Variants in DAB1 observed in about 807,000 individuals in gnomAD.
DAB1 encodes the protein DAB adaptor protein 1.
DAB1 carries 15 observed loss-of-function variants against 64.6 expected under a neutral mutation model. The observed-to-expected ratio is 0.23, with a 90% CI of 0.16 to 0.36. DAB1 has a LOEUF of 0.36. DAB1 is among the 10% of genes least tolerant of loss of function. DAB1 has a pLI of 1.00. For synonymous variants in DAB1, 235 were observed against 251.9 expected, an observed-to-expected ratio of 0.93 and a Z score of 0.64; for missense variants, 596 against 706.7, an observed-to-expected ratio of 0.84 and a Z score of 1.78.
chr1:57,106,320 C>A (rs2100707762), intron 4 of DAB1, among the ~76,000 whole-genome samples: 1 of 145,568 alleles, frequency 6.9e-6, no homozygotes, highest in Non-Finnish European at 1.5e-5. Flanking sequence ...TTCCTTTAAT[C>A]TCAACAAGAC....
At chr1:58,451,267 G>C (rs906361237) in intron 3 of DAB1, among the ~76,000 whole-genome samples, 1 of 151,960 alleles carries the variant, frequency 6.6e-6, no homozygotes, top group African/African-American at 2.4e-5. Context: ...TTTTTATTTT[G>C]ATTTTTTGTA....
In DAB1 at chr1:57,209,339, T is replaced by C. The variant is rs369516600; in HGVS notation, c.68-63910A>G. Among the ~76,000 whole-genome samples, 46 of 152,334 alleles carry C rather than the reference T, an allele frequency of 3.0e-4. No homozygotes were observed. The East Asian group carries it at 8.3e-3, about 28-fold the overall frequency. On this transcript the variant is annotated intron_variant, in intron 2 of 14. Transcript: ENST00000371236. ...TATGCTTTAAACACACTGATTTTTC[T>C]GCTTAAAAATATGCTCTTCCGCTGC...
At chr1:57,407,310 G>C (rs978060648) in intron 1 of DAB1, among the ~76,000 whole-genome samples, 3 of 152,174 alleles carry the variant, frequency 2.0e-5, no homozygotes, top group African/African-American at 7.2e-5. Context: ...GAGAGAGTTA[G>C]CACAGGATGG....
chr1:57,021,941 T>G (rs1646637186), intron 11 of DAB1, among the ~76,000 whole-genome samples: 2 of 152,142 alleles, frequency 1.3e-5, no homozygotes, highest in Non-Finnish European at 2.9e-5. Flanking sequence ...CACTTACACC[T>G]GCCCTCTGCC....
chr1:57,213,107 C>CA (rs973095669), intron 2 of DAB1, among the ~76,000 whole-genome samples: 13 of 97,312 alleles, frequency 1.3e-4, no homozygotes, highest in African/African-American at 4.7e-4. Context: ...CAGCATTGTC[C>CA]AAAAAAAAGA....
At chr1:57,542,690 G>C (rs1484524008) in intron 7 of DAB1, among the ~76,000 whole-genome samples, 3 of 151,938 alleles carry the variant, frequency 2.0e-5, no homozygotes, top group Non-Finnish European at 2.9e-5. Flanking sequence ...TTTTCATTCT[G>C]AACAGTCATA....
intron 2 of DAB1, among the ~76,000 whole-genome samples, chr1:57,278,624 T>C (rs1302253001): frequency 6.6e-6 from 1 of 152,192 alleles, no homozygotes; most frequent in Non-Finnish European, 1.5e-5. Flanking sequence ...ATCTGAGCTA[T>C]GTCTCAGAGG....
At chr1:57,329,976 T>C (rs1255561911) in intron 1 of DAB1, among the ~76,000 whole-genome samples, 1 of 152,216 alleles carries the variant, frequency 6.6e-6, no homozygotes, top group African/African-American at 2.4e-5. Context: ...CTGGTGCTAA[T>C]TCAAAAGGCA....
intron 7 of DAB1, among the ~76,000 whole-genome samples, chr1:57,535,343 T>A (rs956340282): frequency 5.9e-5 from 9 of 152,162 alleles, no homozygotes; most frequent in African/African-American, 2.2e-4. Context: ...TTTTGTAGAA[T>A]GAATGAATGA....
At chr1:57,962,979 T>C (rs1461751562) in intron 5 of DAB1, among the ~76,000 whole-genome samples, 1 of 152,218 alleles carries the variant, frequency 6.6e-6, no homozygotes, top group African/African-American at 2.4e-5. Context: ...CATGCCTTTA[T>C]AATATAACAT....
At chr1:58,524,143 T>C (rs1382032143) in intron 2 of DAB1, among the ~76,000 whole-genome samples, 1 of 152,242 alleles carries the variant, frequency 6.6e-6, no homozygotes, top group Non-Finnish European at 1.5e-5. Flanking sequence ...AGAGTTAGCA[T>C]ATCCCTTCTG....
intron 7 of DAB1, among the ~76,000 whole-genome samples, chr1:57,462,587 C>T (rs780122315): frequency 6.6e-5 from 10 of 152,166 alleles, no homozygotes; most frequent in Non-Finnish European, 1.0e-4. Flanking sequence ...AGGTGCTTTG[C>T]ATGTATTAAC....
At chr1:57,482,262 A>T (rs1644030851) in intron 7 of DAB1, among the ~76,000 whole-genome samples, 1 of 152,168 alleles carries the variant, frequency 6.6e-6, no homozygotes, top group South Asian at 2.1e-4. Context: ...AGTGTAAGAC[A>T]GTATGTAGGC....
intron 2 of DAB1, among the ~76,000 whole-genome samples, chr1:57,231,283 G>T (rs1469529904): frequency 1.3e-5 from 2 of 152,142 alleles, no homozygotes; most frequent in Non-Finnish European, 2.9e-5. Flanking sequence ...TCCAAGACAA[G>T]GCTGGGAATT....
intron 7 of DAB1, among the ~76,000 whole-genome samples, chr1:57,452,774 C>T (rs1416846129): frequency 1.3e-5 from 2 of 151,962 alleles, no homozygotes; most frequent in African/African-American, 4.8e-5. Flanking sequence ...AAATAGAGAC[C>T]TTATCTGCCT....
intron 2 of DAB1, among the ~76,000 whole-genome samples, chr1:57,212,431 G>A (rs1349925736): frequency 3.9e-5 from 5 of 126,610 alleles, no homozygotes; most frequent in Admixed American, 2.1e-4. Flanking sequence ...GCAGTGGCGC[G>A]ATCTCAGCTC....
rs61767413 is a variant in DAB1 at position 57,323,783 on chromosome 1, T to A, written c.-136-32617A>T. 5.1e-3 allele frequency among the ~76,000 whole-genome samples: 781 copies of A among 152,236 alleles called. 6 individuals carry two copies. Among genetic ancestry groups the A allele is most frequent in the Non-Finnish European group, 6.6e-3 (446 of 68,002 alleles). Reference sequence around the variant, plus strand: ...ACAGACTCCGGTAAGGAGTTAAAGTTATTTACCAGGATTTTGAAAATGACA... The same window carrying A: ...ACAGACTCCGGTAAGGAGTTAAAGTAATTTACCAGGATTTTGAAAATGACA... On this transcript the variant is annotated intron_variant, in intron 1 of 14. Coordinates refer to ENST00000371236, the MANE Select transcript of DAB1 (RefSeq NM_001365792.1).
At chr1:57,223,724 C>T (rs1667055695) in intron 2 of DAB1, among the ~76,000 whole-genome samples, 2 of 152,172 alleles carry the variant, frequency 1.3e-5, no homozygotes, top group Admixed American at 1.3e-4. Flanking sequence ...CCCTACTTGG[C>T]AGCCAACATA....
intron 7 of DAB1, among the ~76,000 whole-genome samples, chr1:57,511,392 CT>C (rs1418651824): frequency 6.6e-6 from 1 of 152,160 alleles, no homozygotes; most frequent in Non-Finnish European, 1.5e-5. Flanking sequence ...ACCCCTGGGC[CT>C]TTGAGTTTGC....
Sources: gnomAD v4.1 joint callset for allele counts (sites outside exome capture counted in the v4.1 genomes callset) on GRCh38, gnomAD v4.1.1 for gene constraint, MANE v1.5 for transcripts, NCBI Gene and HGNC (gene_info 2026-07-23, HGNC 2026-07-21) for gene names.